CLASRP: variants seen among roughly 807,000 people sequenced by gnomAD.
CLASRP encodes CLK4-associating serine/arginine rich protein.
A neutral mutation model predicts 99.9 loss-of-function variants in CLASRP; 52 were observed. The observed-to-expected ratio is 0.52, with a 90% CI of 0.42 to 0.66. The LOEUF is 0.66. Ranked by LOEUF, CLASRP falls within the 30% of genes least tolerant of loss-of-function variation. The pLI, the probability that CLASRP is intolerant of heterozygous loss-of-function variation, is 0.00. For synonymous variants in CLASRP, 379 were observed against 373.0 expected (o/e 1.02, Z -0.18); for missense variants, 848 against 999.2 (o/e 0.85, Z 2.04).
At chr19:45,069,145 C>G (rs1194977338) in intron 17 of CLASRP, 21 bp downstream of exon 17, 2 of 1,613,928 alleles carry the variant, frequency 1.2e-6, no homozygotes, top group South Asian at 2.2e-5. Flanking sequence ...AAAGGGAGGG[C>G]TGGGGTGACG....
chr19:45,060,343 T>G lies in CLASRP; in HGVS notation c.711-46T>G. 3 of 1,560,634 alleles carry G rather than the reference T, an allele frequency of 1.9e-6. No individual in the cohort carries two copies. The highest frequency in any genetic ancestry group is 1.7e-4 in the Middle Eastern group (1 of 5,970). On this transcript the variant is annotated intron_variant, in intron 8 of 20. Coordinates refer to ENST00000221455, the MANE Select transcript of CLASRP (RefSeq NM_007056.3). The surrounding 1 kb of genome is among the most constrained non-coding windows in gnomAD (Gnocchi z 4.6). ...GACTCAGTCTGTGTCCTCCTTACCCTGTGGCCTGCCCCATCCTCCACCCTA... is the reference window on the plus strand; with the variant it reads ...GACTCAGTCTGTGTCCTCCTTACCCGGTGGCCTGCCCCATCCTCCACCCTA...
intron 13 of CLASRP, among the ~76,000 whole-genome samples, chr19:45,064,857 G>A (rs1287031500): frequency 6.6e-6 from 1 of 152,202 alleles, no homozygotes; most frequent in Non-Finnish European, 1.5e-5. Context: ...GATCCCAGCC[G>A]CTGTTTTCCA....
intron 11 of CLASRP, among the ~76,000 whole-genome samples, chr19:45,062,792 T>G (rs1966971145): frequency 6.6e-6 from 1 of 152,182 alleles, no homozygotes; most frequent in Non-Finnish European, 1.5e-5. Flanking sequence ...GACTGAGAAA[T>G]CAAGTCACTT....
chr19:45,063,888 C>G (rs1198063449), intron 11 of CLASRP, 124 bp from the exon 12 acceptor site: 11 of 1,374,838 alleles, frequency 8.0e-6, no homozygotes, highest in Admixed American at 7.7e-5. Context: ...CAGGCTCCAT[C>G]CACCCGCCTG....
At chr19:45,040,642 C>G (rs898023946) in intron 2 of CLASRP, 2 of 229,646 alleles carry the variant, frequency 8.7e-6, no homozygotes, top group Non-Finnish European at 1.8e-5. Context: ...TCCCCATTCC[C>G]AGAAGAGCTC....
chr19:45,060,338 T>TACCCTGTGGCCTGCCCCATCCTC lies in CLASRP; in HGVS notation c.711-50_711-28dup, dbSNP rs748452603. ...CTGATGACTCAGTCTGTGTCCTCCT[T>TACCCTGTGGCCTGCCCCATCCTC]ACCCTGTGGCCTGCCCCATCCTCCA... On this transcript the variant is annotated intron_variant, in intron 8 of 20. Coordinates refer to ENST00000221455, the MANE Select transcript of CLASRP (RefSeq NM_007056.3). The surrounding 1 kb of genome is among the most constrained non-coding windows in gnomAD (Gnocchi z 4.6). 8 of 1,541,350 alleles carry TACCCTGTGGCCTGCCCCATCCTC rather than the reference T, an allele frequency of 5.2e-6. No homozygotes were observed.
rs1007127642 is a variant in CLASRP, at chr19:45,067,001, G to A, written c.1410-336G>A. Among the ~76,000 whole-genome samples, 4 of 152,130 alleles carry A rather than the reference G, an allele frequency of 2.6e-5. No homozygotes were observed. Among genetic ancestry groups the A allele is most frequent in the African/African-American group, 4.8e-5 (2 of 41,422 alleles). Reference sequence around the variant, plus strand: ...ACACTGTTGTGCCTGAGCTGGACACGGCTCATAAAGGGGGAGCCAGCCATC... The same window carrying A: ...ACACTGTTGTGCCTGAGCTGGACACAGCTCATAAAGGGGGAGCCAGCCATC... On this transcript the variant is annotated intron_variant, in intron 13 of 20. Transcript: ENST00000221455. The surrounding 1 kb of genome is among the most constrained non-coding windows in gnomAD (Gnocchi z 4.9).
At position 45,070,879 on chromosome 19, in the gene CLASRP, T is replaced by A; in HGVS notation, c.*34T>A. ...GTGGGGGGTGGGGAGGACAAGGGGG[T>A]GGGTAAGGGGCTCAAGCTGTGATGC... On this transcript the variant is annotated 3_prime_UTR_variant, in exon 21 of 21. Coordinates refer to ENST00000221455, the MANE Select transcript of CLASRP (RefSeq NM_007056.3). 2.6e-6 allele frequency: 2 copies of A among 777,112 alleles called. No homozygotes were observed. Among genetic ancestry groups the A allele is most frequent in the Non-Finnish European group, 4.2e-6 (2 of 476,070 alleles). The allele number at this position is 777,112 out of a possible 1,614,324, so 48.1% of individuals were successfully genotyped here.
chr19:45,047,165 C>T (rs755439028), intron 2 of CLASRP, among the ~76,000 whole-genome samples: 3 of 152,068 alleles, frequency 2.0e-5, no homozygotes, highest in Non-Finnish European at 4.4e-5. Flanking sequence ...AATGTGGTCT[C>T]TACACATAAC....
intron 5 of CLASRP, among the ~76,000 whole-genome samples, 183 bp from the exon 6 acceptor site, chr19:45,056,267 C>T (rs192895416): frequency 6.6e-6 from 1 of 152,318 alleles, no homozygotes; most frequent in East Asian, 1.9e-4. Context: ...GTCGTGTGTC[C>T]AAGGCTCTGC....
At chr19:45,040,573 G>C (rs1273102929) in intron 2 of CLASRP, 1 of 355,088 alleles carries the variant, frequency 2.8e-6, no homozygotes, top group Non-Finnish European at 5.5e-6. Context: ...GTAACCCTCA[G>C]AGCAGTCCTG....
chr19:45,064,377 G>C lies in CLASRP; in HGVS notation c.1156G>C (p.Ala386Pro). The change falls in exon 13 of 21, where the codon GCC (alanine) becomes CCC (proline). Residue 386 changes from alanine to proline, a missense_variant. Ala to Pro is a conservative substitution (Grantham distance 27, BLOSUM62 -1). This residue lies in a region of CLASRP where 489 missense variants were observed against 434.7 expected (regional missense o/e 1.12). Transcript: ENST00000221455. ...RSSSSSSSSSASRTSSSRSSS... is the reference protein window; with the variant it reads ...RSSSSSSSSSPSRTSSSRSSS... ...CTCCTCCTCCTCCTCCTCCTCTTCT[G>C]CCTCGAGGACCTCCAGCTCCCGCTC... The C allele has an allele frequency of 1.3e-6, 2 of 1,532,250 alleles. No homozygotes were observed. Among genetic ancestry groups the C allele is most frequent in the Non-Finnish European group, 1.7e-6 (2 of 1,143,372 alleles). The allele number at this position is 1,532,250 out of a possible 1,614,324, so 94.9% of individuals were successfully genotyped here.
rs1040094912 is a variant in CLASRP, at chr19:45,060,828, C to T, written c.863+201C>T. Among the ~76,000 whole-genome samples the T allele has an allele frequency of 1.3e-5, 2 of 152,308 alleles. No homozygotes were observed. The highest frequency in any genetic ancestry group is 2.1e-4 in the South Asian group (1 of 4,834). ...TGGACTCCTTTCCTTGCCAGCCCCTCCCCTCACCCTACTGGACTGGGGGCC... is the reference window on the plus strand; with the variant it reads ...TGGACTCCTTTCCTTGCCAGCCCCTTCCCTCACCCTACTGGACTGGGGGCC... On this transcript the variant is annotated intron_variant, in intron 10 of 20. Coordinates refer to ENST00000221455, the MANE Select transcript of CLASRP (RefSeq NM_007056.3). The surrounding 1 kb of genome is among the most constrained non-coding windows in gnomAD (Gnocchi z 4.6).
rs949144856 is a variant in CLASRP at position 45,042,499 on chromosome 19, C to CA, written c.99+2198dup. Among the ~76,000 whole-genome samples the CA allele has an allele frequency of 1.5e-3, 219 of 144,394 alleles. 2 individuals are homozygous for CA. The highest frequency in any genetic ancestry group is 5.1e-3 in the African/African-American group (199 of 39,080). The allele number at this position is 144,394 out of a possible 152,430, so 94.7% of individuals were successfully genotyped here. A position where few individuals can be genotyped will look rare whatever the true frequency, so the allele number is the denominator to read the frequency against. On this transcript the variant is annotated intron_variant, in intron 2 of 20. Transcript: ENST00000221455. ...TGGGCAACAGAGTGAGACTCCATCT[C>CA]AAAAAAAAAATTTATATATATATAT...
chr19:45,047,865 C>T (rs1971950792), intron 2 of CLASRP, among the ~76,000 whole-genome samples: 1 of 152,064 alleles, frequency 6.6e-6, no homozygotes, highest in South Asian at 2.1e-4. Flanking sequence ...AGGCAGATCA[C>T]CTGAGGTCAG....
At chr19:45,049,372 C>G (rs961823662) in intron 2 of CLASRP, among the ~76,000 whole-genome samples, 5 of 152,216 alleles carry the variant, frequency 3.3e-5, no homozygotes, top group Admixed American at 1.3e-4. Flanking sequence ...GCTAAGGAAT[C>G]GAGGGAGGCA....
At position 45,043,361 on chromosome 19, in the gene CLASRP, G is replaced by A. The variant is rs188251907; in HGVS notation, c.99+3050G>A. Among the ~76,000 whole-genome samples, 1,324 of 143,202 alleles carry A rather than the reference G, an allele frequency of 9.2e-3. 5 individuals are homozygous for A. Among genetic ancestry groups the A allele is most frequent in the South Asian group, 0.017 (79 of 4,516 alleles). 93.9% of individuals were successfully genotyped at this position (143,202 alleles called of 152,430 possible). ...CGGGAGACAGAGCTTGCAGTGAGCC[G>A]AGATAGTGCCACTGCACTCCAGCCT... On this transcript the variant is annotated intron_variant, in intron 2 of 20. Transcript: ENST00000221455.
chr19:45,068,042 A>G lies in CLASRP; in HGVS notation c.1695A>G (p.Thr565=), dbSNP rs775790219. The part of the protein sequence containing the change: ...KKTEPAAGKE[T]GAAKPKLTPQ... ...CCGAACCTGCCGCTGGTAAAGAGAC[A>G]GGAGCTGCCAAAGTCAGTAAGAATT... Residue 565 remains threonine, a synonymous_variant, in exon 15 of 21, where the codon ACA becomes ACG. Coordinates refer to ENST00000221455, the MANE Select transcript of CLASRP (RefSeq NM_007056.3). 18 of 1,613,912 alleles carry G rather than the reference A, an allele frequency of 1.1e-5. No individual in the cohort carries two copies. Among genetic ancestry groups the G allele is most frequent in the Non-Finnish European group, 1.4e-5 (17 of 1,179,816 alleles).
At chr19:45,057,995 C>A in intron 7 of CLASRP, 97 bp downstream of exon 7, 1 of 1,493,054 alleles carries the variant, frequency 6.7e-7, no homozygotes, top group Non-Finnish European at 9.1e-7. Context: ...GCTTACGAAC[C>A]GTGTCTCTCT....
Sources: gnomAD v4.1 joint callset for allele counts (sites outside exome capture counted in the v4.1 genomes callset) on GRCh38, gnomAD v4.1.1 for gene constraint, gnomAD v4.1.1 regional missense constraint, Gnocchi (gnomAD v3.1) non-coding constraint, MANE v1.5 for transcripts, NCBI Gene and HGNC (gene_info 2026-07-23, HGNC 2026-07-21) for gene names.